The following SLCO4A1 variants were observed in gnomAD, a reference collection of about 807,000 sequenced individuals.
The protein encoded by SLCO4A1 is solute carrier organic anion transporter family member 4A1.
SLCO4A1 carries 51 observed loss-of-function variants against 64.6 expected under a neutral mutation model. The ratio of observed to expected loss-of-function variants is 0.79; its 90% CI spans 0.63 to 1.00. The LOEUF (loss-of-function observed/expected upper bound fraction) is 1.00, where lower values mean the gene tolerates loss of function less well. Among genes scored for constraint, SLCO4A1 ranks in the 50% least tolerant of loss-of-function variants. SLCO4A1 has a pLI of 0.00. For missense variants in SLCO4A1, 919 were observed against 980.5 expected, an observed-to-expected ratio of 0.94 and a Z score of 0.84; for synonymous variants, 471 against 444.9, an observed-to-expected ratio of 1.06 and a Z score of -0.74.
In SLCO4A1 at chr20:62,656,792, C is replaced by T. The variant is rs552485270; in HGVS notation, c.338C>T (p.Ala113Val). 1.2e-6 allele frequency: 2 copies of T among 1,612,920 alleles called. No homozygotes were observed. Among genetic ancestry groups the T allele is most frequent in the Non-Finnish European group, 8.5e-7 (1 of 1,179,932 alleles). ...KGILFFLCAA[A>V]FLQGMTVNGF... ...ATCCTGTTCTTCCTGTGTGCGGCCG[C>T]ATTCCTGCAGGGGATGACTGTGAAT... The change falls in exon 2 of 12, where the codon GCA (alanine) becomes GTA (valine). Residue 113 changes from alanine to valine, a missense_variant. Ala to Val is a moderately conservative substitution (Grantham distance 64). Transcript: ENST00000217159.
intron 2 of SLCO4A1, among the ~76,000 whole-genome samples, chr20:62,683,182 T>G (rs1025433470): frequency 1.1e-4 from 16 of 152,258 alleles, no homozygotes; most frequent in African/African-American, 3.6e-4. Context: ...GCGTAATCCA[T>G]TTTATTCTCA....
intron 11 of SLCO4A1, 128 bp from the exon 12 acceptor site, chr20:62,671,622 G>A: frequency 2.5e-6 from 2 of 789,222 alleles, no homozygotes; most frequent in Admixed American, 4.6e-5. Context: ...CTCAGAGCAG[G>A]ATGGGTTTCC....
chr20:62,689,635 C>T (rs1164540298), downstream of SLCO4A1, among the ~76,000 whole-genome samples: 1 of 152,186 alleles, frequency 6.6e-6, no homozygotes, highest in Non-Finnish European at 1.5e-5. Context: ...CCGCATTGAG[C>T]CCCTCCTGGG....
intron 2 of SLCO4A1, among the ~76,000 whole-genome samples, chr20:62,684,815 C>T (rs1321471866): frequency 6.6e-6 from 1 of 152,172 alleles, no homozygotes; most frequent in Non-Finnish European, 1.5e-5. Flanking sequence ...ACCTGGAAGT[C>T]GCTCATTAAG....
rs144572660 is a variant in SLCO4A1, at chr20:62,669,130, G to A, written c.2025+52G>A. On this transcript the variant is annotated intron_variant, in intron 11 of 11. Coordinates refer to ENST00000217159, the MANE Select transcript of SLCO4A1 (RefSeq NM_016354.4). ...GGGTCTGCTCTGAGGGTGGCTGGGGGCTCCGAACATGCCGCGATCTTCCAG... is the reference window on the plus strand; with the variant it reads ...GGGTCTGCTCTGAGGGTGGCTGGGGACTCCGAACATGCCGCGATCTTCCAG... The A allele has an allele frequency of 6.2e-5, 97 of 1,560,688 alleles. No homozygotes were observed. The African/African-American group carries it at 1.1e-3, about 18-fold the overall frequency.
chr20:62,668,052 CT>C lies in SLCO4A1; in HGVS notation c.1680del (p.Gly561ValfsTer27), dbSNP rs769199641. On this transcript the variant is annotated frameshift_variant, in exon 9 of 12. Coordinates refer to ENST00000217159, the MANE Select transcript of SLCO4A1 (RefSeq NM_016354.4). LOFTEE classifies it high-confidence loss of function. ...AGCTGTATCCCTCAGAATCTTTCCT[CT>C]GGTTTTGGCCATGCCACTGCAGGGA... ...DCSCIPQNLS[S>X]GFGHATAGKC... 1 of 1,614,060 alleles carries C rather than the reference CT, an allele frequency of 6.2e-7. No individual in the cohort carries two copies. Among genetic ancestry groups the C allele is most frequent in the East Asian group, 2.2e-5 (1 of 44,886 alleles).
chr20:62,666,675 T>G (rs1986408153), intron 7 of SLCO4A1, 100 bp downstream of exon 7: 9 of 1,047,624 alleles, frequency 8.6e-6, no homozygotes, highest in Non-Finnish European at 1.3e-5. Flanking sequence ...GAGGTGGTTT[T>G]GAAAAGGGCT....
At chr20:62,649,749 C>G (rs1004568567) in intron 1 of SLCO4A1, 1 of 152,602 alleles carries the variant, frequency 6.6e-6, no homozygotes, top group Admixed American at 6.5e-5. Flanking sequence ...TGCCACTGCC[C>G]GGCCTTCCAC....
intron 1 of SLCO4A1, among the ~76,000 whole-genome samples, chr20:62,646,417 C>G (rs1981337897): frequency 6.6e-6 from 1 of 152,260 alleles, no homozygotes; most frequent in Non-Finnish European, 1.5e-5. Context: ...GCTGTGAACA[C>G]CACGGGTCTG....
chr20:62,656,483 C>A lies in SLCO4A1; in HGVS notation c.29C>A (p.Pro10Gln). Residue 10 changes from proline to glutamine, a missense_variant, in exon 2 of 12, where the codon CCG becomes CAG. Pro to Gln is a moderately conservative substitution (Grantham distance 76). Coordinates refer to ENST00000217159, the MANE Select transcript of SLCO4A1 (RefSeq NM_016354.4). The part of the protein sequence containing the change: MPLHQLGDK[P>Q]LTFPSPNSAM... ...CCCCTGCATCAGCTGGGGGACAAGCCGCTCACCTTCCCCAGCCCCAACTCA... is the reference window on the plus strand; with the variant it reads ...CCCCTGCATCAGCTGGGGGACAAGCAGCTCACCTTCCCCAGCCCCAACTCA... 1 of 1,517,640 alleles carries A rather than the reference C, an allele frequency of 6.6e-7. No individual in the cohort carries two copies. Among genetic ancestry groups the A allele is most frequent in the East Asian group, 2.4e-5 (1 of 41,826 alleles). The allele number at this position is 1,517,640 out of a possible 1,614,324, so 94.0% of individuals were successfully genotyped here.
At chr20:62,663,563 G>A (rs2147092017) in intron 5 of SLCO4A1, 1 of 152,354 alleles carries the variant, frequency 6.6e-6, no homozygotes, top group Non-Finnish European at 1.5e-5. Flanking sequence ...GATGTGAGAG[G>A]CTATTGTGCC....
chr20:62,657,561 G>A (rs1033181670), intron 2 of SLCO4A1, among the ~76,000 whole-genome samples: 4 of 152,272 alleles, frequency 2.6e-5, no homozygotes, highest in African/African-American at 4.8e-5. Flanking sequence ...GTCACTAGGC[G>A]CTGGGTGGCA....
At chr20:62,689,426 AC>A (rs1988163816), downstream of SLCO4A1, among the ~76,000 whole-genome samples, 1 of 152,142 alleles carries the variant, frequency 6.6e-6, no homozygotes, top group South Asian at 2.1e-4. Flanking sequence ...CGCAGACATC[AC>A]CCTAGGCACT....
rs935603482 is a variant in SLCO4A1, at chr20:62,658,820, G to C, written c.887+53G>C. Reference sequence around the variant, plus strand: ...CGCTGGAGAGGCCCACGTGTCTCTGGAAGGGGGTTCAGAGTCAGCAGGGCC... The same window carrying C: ...CGCTGGAGAGGCCCACGTGTCTCTGCAAGGGGGTTCAGAGTCAGCAGGGCC... On this transcript the variant is annotated intron_variant, in intron 3 of 11. Transcript: ENST00000217159. The C allele has an allele frequency of 4.1e-6, 6 of 1,454,848 alleles. No homozygotes were observed. The African/African-American group carries it at 8.4e-5, about 20-fold the overall frequency. 90.1% of individuals were successfully genotyped at this position (1,454,848 alleles called of 1,614,324 possible).
At chr20:62,667,538 C>G (rs1986579428) in intron 7 of SLCO4A1, 1 of 603,312 alleles carries the variant, frequency 1.7e-6, no homozygotes, top group African/African-American at 1.9e-5. Flanking sequence ...GTGTGCCTTC[C>G]TTGCGTGAGG....
chr20:62,642,581 C>T (rs1980546077), intron 1 of SLCO4A1, 28 bp downstream of exon 1: 2 of 189,552 alleles, frequency 1.1e-5, no homozygotes, highest in South Asian at 1.5e-4. Context: ...GGGGAGCTGG[C>T]GCGGGTGCAC....
chr20:62,673,013 A>T (rs949574087), downstream of SLCO4A1, among the ~76,000 whole-genome samples: 17 of 131,404 alleles, frequency 1.3e-4, 2 homozygotes, highest in African/African-American at 3.9e-4. Flanking sequence ...GTCGGTCAAG[A>T]TCCCCCCCAA....
At position 62,671,854 on chromosome 20, in the gene SLCO4A1, T is replaced by C. The variant is rs1987268928; in HGVS notation, c.2130T>C (p.Pro710=). ...ETCLPSQSSA[P]DSATDSQLQS... Reference sequence around the variant, plus strand: ...GTCTGCCCAGCCAGTCCTCAGCCCCTGACAGTGCCACAGATAGCCAGCTCC... The same window carrying C: ...GTCTGCCCAGCCAGTCCTCAGCCCCCGACAGTGCCACAGATAGCCAGCTCC... The change falls in exon 12 of 12, where the codon CCT becomes CCC. Residue 710 remains proline, a synonymous_variant. Transcript: ENST00000217159. The C allele has an allele frequency of 1.2e-6, 2 of 1,613,366 alleles. No homozygotes were observed. Among genetic ancestry groups the C allele is most frequent in the Non-Finnish European group, 1.7e-6 (2 of 1,180,020 alleles).
At chr20:62,686,407 C>A (rs1258070507), downstream of SLCO4A1, among the ~76,000 whole-genome samples, 1 of 152,134 alleles carries the variant, frequency 6.6e-6, no homozygotes, top group African/African-American at 2.4e-5. Flanking sequence ...GTGTCATGTC[C>A]TAAAGCTTCA....
Sources: gnomAD v4.1 joint callset for allele counts (sites outside exome capture counted in the v4.1 genomes callset) on GRCh38, gnomAD v4.1.1 for gene constraint, MANE v1.5 for transcripts, NCBI Gene and HGNC (gene_info 2026-07-23, HGNC 2026-07-21) for gene names.